MID1: variants seen among roughly 807,000 people sequenced by gnomAD.
The protein encoded by MID1 is E3 ubiquitin-protein ligase Midline-1.
MID1 carries 7 observed loss-of-function variants against 40.4 expected under a neutral mutation model. The ratio of observed to expected loss-of-function variants is 0.17; its 90% confidence interval spans 0.10 to 0.33. MID1 has a LOEUF of 0.33. MID1 is among the 10% of genes least tolerant of loss of function. The pLI, the probability that MID1 is intolerant of heterozygous loss-of-function variation, is 1.00. For synonymous variants in MID1, 229 were observed against 221.2 expected, an observed-to-expected ratio of 1.04 and a Z score of -0.31; for missense variants, 367 against 558.5, an observed-to-expected ratio of 0.66 and a Z score of 3.46.
Position 10,823,716 on chromosome X carries a change from G to A in MID1, c.-187+9838C>T, listed in dbSNP as rs1007663751. 2.7e-4 allele frequency among the ~76,000 whole-genome samples: 30 copies of A among 110,140 alleles called. 1 individual carries two copies. The highest frequency in any genetic ancestry group is 9.9e-4 in the African/African-American group (30 of 30,320). ...ATATGAACAGTGTTGCTTTATCATT[G>A]ATAGTGACCCCAGTAAATAAAACAA... is the stretch of plus-strand genomic sequence containing the variant. On this transcript the variant is annotated intron_variant, in intron 1 of 10. Transcript: ENST00000380785.
Position 10,571,569 on chromosome X carries a change from G to A in MID1, c.-56-3966C>T, listed in dbSNP as rs143605008. 8.8e-3 allele frequency among the ~76,000 whole-genome samples: 934 copies of A among 105,618 alleles called. 10 individuals carry two copies. Among genetic ancestry groups the A allele is most frequent in the African/African-American group, 0.031 (895 of 28,588 alleles). 91.7% of individuals were successfully genotyped at this position (105,618 alleles called of 115,157 possible). A position where few individuals can be genotyped will look rare whatever the true frequency, so the allele number is the denominator to read the frequency against. ...TGTACTTGGTCCTGAGACAAGTACTGGTAACAGCTGGCCCCTGTCTCCATG... is the reference window on the plus strand; with the variant it reads ...TGTACTTGGTCCTGAGACAAGTACTAGTAACAGCTGGCCCCTGTCTCCATG... On this transcript the variant is annotated intron_variant, in intron 1 of 9. Transcript: ENST00000317552.
At chrX:10,827,800 C>T (rs1230619212) in intron 1 of MID1, among the ~76,000 whole-genome samples, 1 of 110,783 alleles carries the variant, frequency 9.0e-6, no homozygotes, top group African/African-American at 3.3e-5. Flanking sequence ...TGCATTTTGG[C>T]CCAAAGTATG....
chrX:10,510,275 G>A (rs7062769), intron 3 of MID1, among the ~76,000 whole-genome samples: 6,077 of 110,597 alleles, frequency 0.055, 352 homozygotes, highest in African/African-American at 0.16. Context: ...TTTGATAACC[G>A]ACAGCTCAAT....
At chrX:10,752,794 A>G (rs1276723652) in intron 1 of MID1, among the ~76,000 whole-genome samples, 1 of 112,079 alleles carries the variant, frequency 8.9e-6, no homozygotes. Flanking sequence ...TCTCTTAAAA[A>G]AATTCTTGAA....
chrX:10,473,940 GAAACA>G (rs1025173013), intron 6 of MID1, among the ~76,000 whole-genome samples: 3 of 111,762 alleles, frequency 2.7e-5, no homozygotes, highest in Non-Finnish European at 3.8e-5. Flanking sequence ...AACCAAGGGA[GAAACA>G]AAACAAAACA....
intron 1 of MID1, among the ~76,000 whole-genome samples, chrX:10,785,473 G>A (rs2043875889): frequency 9.0e-6 from 1 of 111,333 alleles, no homozygotes; most frequent in South Asian, 3.8e-4. Context: ...TTACTTTAAA[G>A]TTCATATGGA....
chrX:10,469,316 G>GA (rs1372329007), intron 7 of MID1: 1 of 940,320 alleles, frequency 1.1e-6, no homozygotes, highest in Non-Finnish European at 1.3e-6. Context: ...TAACACCTAT[G>GA]AATGTTTCTT....
chrX:10,712,249 G>T (rs996003697), intron 1 of MID1, among the ~76,000 whole-genome samples: 1 of 110,836 alleles, frequency 9.0e-6, no homozygotes, highest in Admixed American at 9.6e-5. Flanking sequence ...AACTGGCAGC[G>T]GGGAAAGGGA....
At chrX:10,609,035 T>G (rs184551143) in intron 1 of MID1, among the ~76,000 whole-genome samples, 6 of 112,113 alleles carry the variant, frequency 5.4e-5, no homozygotes, top group Non-Finnish European at 7.5e-5. Flanking sequence ...CATGTCCATT[T>G]AATACTATTT....
chrX:10,721,375 T>C (rs1337073963), intron 1 of MID1, among the ~76,000 whole-genome samples: 1 of 110,340 alleles, frequency 9.1e-6, no homozygotes, highest in Non-Finnish European at 1.9e-5. Context: ...AATACAATAC[T>C]GTATCCTTTG....
chrX:10,580,669 T>A (rs1257778681), intron 1 of MID1, among the ~76,000 whole-genome samples: 1 of 111,599 alleles, frequency 9.0e-6, no homozygotes, highest in Non-Finnish European at 1.9e-5. Flanking sequence ...AAAAAATATG[T>A]CTGATTTTGC....
chrX:10,539,213 T>C (rs1391188542), intron 2 of MID1, among the ~76,000 whole-genome samples: 1 of 112,157 alleles, frequency 8.9e-6, no homozygotes, highest in African/African-American at 3.2e-5. Flanking sequence ...GAGGAAACTG[T>C]ACTATCAAGA....
At chrX:10,642,557 A>G (rs1185674348) in intron 1 of MID1, among the ~76,000 whole-genome samples, 2 of 110,727 alleles carry the variant, frequency 1.8e-5, no homozygotes, top group African/African-American at 6.7e-5. Context: ...ATGGATAGGA[A>G]GAATCAATAT....
chrX:10,522,357 C>G (rs752511110), intron 3 of MID1, among the ~76,000 whole-genome samples: 5 of 112,160 alleles, frequency 4.5e-5, no homozygotes, highest in Non-Finnish European at 5.6e-5. Flanking sequence ...AAGGATCCTC[C>G]CCTAGAACCT....
intron 1 of MID1, among the ~76,000 whole-genome samples, chrX:10,739,635 G>A (rs762897315): frequency 8.9e-6 from 1 of 112,195 alleles, no homozygotes; most frequent in East Asian, 2.8e-4. Flanking sequence ...ATCTCTTGGT[G>A]AAGTGCCAAT....
chrX:10,593,017 T>C (rs1259891273), intron 1 of MID1, among the ~76,000 whole-genome samples: 1 of 112,168 alleles, frequency 8.9e-6, no homozygotes, highest in Non-Finnish European at 1.9e-5. Flanking sequence ...GAATGTATAA[T>C]TGTATCCATG....
At chrX:10,819,508 G>T (rs2044161184) in intron 1 of MID1, among the ~76,000 whole-genome samples, 1 of 109,903 alleles carries the variant, frequency 9.1e-6, no homozygotes. Flanking sequence ...CCCCCTAATT[G>T]TTTCCCTTTG....
chrX:10,504,325 C>A (rs1931713680), intron 3 of MID1, among the ~76,000 whole-genome samples: 1 of 111,546 alleles, frequency 9.0e-6, no homozygotes, highest in South Asian at 3.8e-4. Flanking sequence ...AGTGAAAGGT[C>A]CATCCCCAAA....
intron 1 of MID1, among the ~76,000 whole-genome samples, chrX:10,747,227 C>G (rs1233058521): frequency 2.7e-5 from 3 of 112,050 alleles, no homozygotes; most frequent in Admixed American, 9.5e-5. Context: ...CTGAGGCCAT[C>G]ATAATAGTTG....
Sources: gnomAD v4.1 joint callset for allele counts (sites outside exome capture counted in the v4.1 genomes callset) on GRCh38, gnomAD v4.1.1 for gene constraint, MANE v1.5 for transcripts, NCBI Gene and HGNC (gene_info 2026-07-23, HGNC 2026-07-21) for gene names.